The following THSD7A variants were observed in gnomAD, a reference collection of about 807,000 sequenced individuals.
THSD7A encodes the protein thrombospondin type 1 domain containing 7A, also known as thrombospondin type-1 domain-containing protein 7A.
In THSD7A, 96 loss-of-function variants were observed where a neutral mutation model predicts 231.3. The ratio of observed to expected loss-of-function variants is 0.41; its 90% CI spans 0.35 to 0.49. THSD7A has a LOEUF of 0.49. THSD7A is among the 20% of genes least tolerant of loss of function. The pLI is 0.05. For synonymous variants in THSD7A, 940 were observed against 743.3 expected, an observed-to-expected ratio of 1.26 and a Z score of -4.30; for missense variants, 2,290 against 2,070.2, an observed-to-expected ratio of 1.11 and a Z score of -2.06.
At chr7:11,798,678 T>C (rs1784195133) in intron 1 of THSD7A, among the ~76,000 whole-genome samples, 1 of 152,078 alleles carries the variant, frequency 6.6e-6, no homozygotes, top group Admixed American at 6.6e-5. Context: ...TGAACATACT[T>C]TTATGCTGTT....
chr7:11,600,669 T>C (rs1301686240), intron 2 of THSD7A, among the ~76,000 whole-genome samples: 1 of 152,186 alleles, frequency 6.6e-6, no homozygotes, highest in Non-Finnish European at 1.5e-5. Context: ...GCTCTCGCCA[T>C]GAAGAGCCAT....
chr7:11,457,807 C>G (rs1196990359), intron 11 of THSD7A, among the ~76,000 whole-genome samples: 3 of 152,032 alleles, frequency 2.0e-5, no homozygotes, highest in Non-Finnish European at 1.5e-5. Context: ...TTGATCTTAT[C>G]TTGTATTCTT....
At chr7:11,503,921 A>G (rs1787441606) in intron 6 of THSD7A, among the ~76,000 whole-genome samples, 1 of 152,208 alleles carries the variant, frequency 6.6e-6, no homozygotes, top group Non-Finnish European at 1.5e-5. Flanking sequence ...AAGAGCTAAA[A>G]GCAGAAGTAC....
intron 11 of THSD7A, among the ~76,000 whole-genome samples, chr7:11,460,367 C>T (rs1009520197): frequency 6.6e-6 from 1 of 151,998 alleles, no homozygotes; most frequent in Admixed American, 6.6e-5. Context: ...AACAAACAAA[C>T]AAACAAACAA....
In THSD7A at chr7:11,637,140, G is replaced by A. The variant is rs536366774; in HGVS notation, c.191-179C>T. On this transcript the variant is annotated intron_variant, in intron 1 of 27. Transcript: ENST00000423059. The surrounding 1 kb of genome is among the most constrained non-coding windows in gnomAD (Gnocchi z 4.2). Reference sequence around the variant, plus strand: ...CCTCGCTAAGTATTTTTGCAAAAGGGGAACTGTGTCACAGAGTCTATATAA... The same window carrying A: ...CCTCGCTAAGTATTTTTGCAAAAGGAGAACTGTGTCACAGAGTCTATATAA... Among the ~76,000 whole-genome samples, 1 of 152,226 alleles carries A rather than the reference G, an allele frequency of 6.6e-6. No individual in the cohort carries two copies. Among genetic ancestry groups the A allele is most frequent in the South Asian group, 2.1e-4 (1 of 4,824 alleles).
chr7:11,509,243 C>A, intron 6 of THSD7A, among the ~76,000 whole-genome samples: 1 of 152,184 alleles, frequency 6.6e-6, no homozygotes, highest in Middle Eastern at 3.4e-3. Flanking sequence ...TTGATATGGA[C>A]ATGTTTTGGT....
In THSD7A at chr7:11,642,236, T is replaced by C. The variant is rs181706389; in HGVS notation, c.191-5275A>G. ...ATCCTACATTACTAAGAGTGGGAGG[T>C]AGGGGTAGCAGAAAATCTGGTGGAG... On this transcript the variant is annotated intron_variant, in intron 1 of 27. Coordinates refer to ENST00000423059, the MANE Select transcript of THSD7A (RefSeq NM_015204.3). 1.5e-3 allele frequency among the ~76,000 whole-genome samples: 231 copies of C among 152,134 alleles called. 2 individuals carry two copies. Among genetic ancestry groups the C allele is most frequent in the African/African-American group, 5.2e-3 (215 of 41,508 alleles).
chr7:11,445,469 C>A (rs1014226559), intron 13 of THSD7A, among the ~76,000 whole-genome samples: 1 of 151,764 alleles, frequency 6.6e-6, no homozygotes, highest in African/African-American at 2.4e-5. Flanking sequence ...AAAGTGGGCA[C>A]AGTTTCCTAG....
intron 1 of THSD7A, among the ~76,000 whole-genome samples, chr7:11,722,919 C>T (rs1314970282): frequency 4.6e-5 from 7 of 151,888 alleles, no homozygotes; most frequent in Admixed American, 6.6e-5. Flanking sequence ...GTCAGTGTGG[C>T]GATTCCTCAG....
chr7:11,522,081 T>C (rs978767275), intron 6 of THSD7A, among the ~76,000 whole-genome samples: 2 of 152,104 alleles, frequency 1.3e-5, no homozygotes, highest in Non-Finnish European at 2.9e-5. Flanking sequence ...AAAAGTAGAA[T>C]TAGGACCTGA....
intron 6 of THSD7A, among the ~76,000 whole-genome samples, chr7:11,488,306 G>A (rs1786746428): frequency 6.6e-6 from 1 of 152,014 alleles, no homozygotes. Flanking sequence ...ACCAATAAAA[G>A]TTTACAAAAG....
intron 6 of THSD7A, among the ~76,000 whole-genome samples, chr7:11,506,875 CTTTG>C (rs943347815): frequency 2.2e-4 from 17 of 78,390 alleles, no homozygotes; most frequent in Non-Finnish European, 3.3e-4. Flanking sequence ...CACCGTACCC[CTTTG>C]TTTTTTTCCC....
chr7:11,687,346 C>T (rs543315895), intron 1 of THSD7A, among the ~76,000 whole-genome samples: 68 of 152,060 alleles, frequency 4.5e-4, no homozygotes, highest in Non-Finnish European at 2.9e-5. Context: ...GTCAGAATGA[C>T]TGTCCTATGA....
At chr7:11,545,254 G>T (rs929973056) in intron 4 of THSD7A, among the ~76,000 whole-genome samples, 36 of 151,876 alleles carry the variant, frequency 2.4e-4, no homozygotes, top group African/African-American at 8.5e-4. Context: ...TCCTTCAATT[G>T]ATGAAAAGTC....
intron 1 of THSD7A, among the ~76,000 whole-genome samples, chr7:11,773,188 A>G (rs1264190797): frequency 6.6e-6 from 1 of 152,232 alleles, no homozygotes; most frequent in Non-Finnish European, 1.5e-5. Flanking sequence ...ATGCATATTT[A>G]TGGAATTTTA....
At chr7:11,437,418 T>G (rs1784667809) in intron 13 of THSD7A, among the ~76,000 whole-genome samples, 1 of 152,086 alleles carries the variant, frequency 6.6e-6, no homozygotes, top group South Asian at 2.1e-4. Flanking sequence ...TGCTCTTTCC[T>G]TCTTTCCTTG....
In THSD7A at chr7:11,432,159, C is replaced by T. The variant is rs569487366; in HGVS notation, c.3065-3034G>A. On this transcript the variant is annotated intron_variant, in intron 13 of 27. Transcript: ENST00000423059. The stretch of plus-strand genomic sequence containing the variant: ...GCTTCTACCACCCTCAAGTTATTGA[C>T]ATTAATACAATCCATAGCACTTACT... Among the ~76,000 whole-genome samples the T allele has an allele frequency of 3.8e-4, 58 of 152,204 alleles. 1 individual carries two copies. The highest frequency in any genetic ancestry group is 7.6e-4 in the Non-Finnish European group (52 of 67,992).
At chr7:11,564,119 T>TA (rs1306286497) in intron 4 of THSD7A, among the ~76,000 whole-genome samples, 1 of 152,236 alleles carries the variant, frequency 6.6e-6, no homozygotes, top group East Asian at 1.9e-4. Flanking sequence ...ATACACTGTA[T>TA]ACATTATATA....
chr7:11,555,773 G>C lies in THSD7A; in HGVS notation c.1454-12656C>G, dbSNP rs544444652. On this transcript the variant is annotated intron_variant, in intron 4 of 27. Coordinates refer to ENST00000423059, the MANE Select transcript of THSD7A (RefSeq NM_015204.3). ...GTCTGTTGTTTGGCACAAACACATA[G>C]AATTCCTTTGCCTTCTTGGTGGATT... 1.9e-3 allele frequency among the ~76,000 whole-genome samples: 293 copies of C among 151,266 alleles called. 1 individual carries two copies. Among genetic ancestry groups the C allele is most frequent in the African/African-American group, 6.4e-3 (265 of 41,320 alleles).
Sources: gnomAD v4.1 joint callset for allele counts (sites outside exome capture counted in the v4.1 genomes callset) on GRCh38, gnomAD v4.1.1 for gene constraint, Gnocchi (gnomAD v3.1) non-coding constraint, MANE v1.5 for transcripts, NCBI Gene and HGNC (gene_info 2026-07-23, HGNC 2026-07-21) for gene names.